TUSC3: variants seen among roughly 807,000 people sequenced by gnomAD.
TUSC3 encodes the protein tumor suppressor candidate 3, also known as dolichyl-diphosphooligosaccharide--protein glycosyltransferase subunit TUSC3.
Under a neutral mutation model 44.8 loss-of-function variants are expected in TUSC3, and 45 were observed. That is an observed-to-expected ratio of 1.00 (90% CI 0.79 to 1.29). The LOEUF (loss-of-function observed/expected upper bound fraction) is 1.29, where lower values mean the gene tolerates loss of function less well. Ranked by LOEUF, TUSC3 falls within the 50% of genes most tolerant of loss-of-function variation. The pLI is 0.00. For synonymous variants in TUSC3, 212 were observed against 152.9 expected, an observed-to-expected ratio of 1.39 and a Z score of -2.85; for missense variants, 519 against 437.9, an observed-to-expected ratio of 1.19 and a Z score of -1.65.
At chr8:15,789,062 G>T in the TUSC3 span, among the ~76,000 whole-genome samples, 1 of 152,296 alleles carries the variant, frequency 6.6e-6, no homozygotes, top group Non-Finnish European at 1.5e-5. Context: ...CCATTTCAAG[G>T]AAACAGAATC....
chr8:15,506,692 C>T (rs371660623), intron 2 of TUSC3, among the ~76,000 whole-genome samples: 6 of 152,230 alleles, frequency 3.9e-5, no homozygotes, highest in African/African-American at 1.2e-4. Flanking sequence ...TTCACTATCA[C>T]GAGAACAGCG....
the TUSC3 span, among the ~76,000 whole-genome samples, chr8:15,831,728 G>C: frequency 6.6e-6 from 1 of 152,046 alleles, no homozygotes; most frequent in African/African-American, 2.4e-5. Flanking sequence ...AAGACAGTCA[G>C]ACAAGAGAAT....
chr8:15,735,534 T>G (rs978706455), intron 7 of TUSC3, among the ~76,000 whole-genome samples: 5 of 152,186 alleles, frequency 3.3e-5, no homozygotes, highest in African/African-American at 1.2e-4. Context: ...AACTTAAAAC[T>G]TTTAACCCAT....
At chr8:15,558,858 T>G (rs1802357866) in intron 1 of TUSC3, among the ~76,000 whole-genome samples, 1 of 150,788 alleles carries the variant, frequency 6.6e-6, no homozygotes, top group East Asian at 2.0e-4. Flanking sequence ...TGATATCCCC[T>G]TTATCATTTT....
At chr8:15,820,707 C>G in the TUSC3 span, among the ~76,000 whole-genome samples, 3 of 152,128 alleles carry the variant, frequency 2.0e-5, no homozygotes, top group African/African-American at 4.8e-5. Flanking sequence ...TAATTGCACT[C>G]TTCCTATTTT....
chr8:15,507,952 T>C (rs1801081080), intron 2 of TUSC3, among the ~76,000 whole-genome samples: 1 of 152,088 alleles, frequency 6.6e-6, no homozygotes, highest in Non-Finnish European at 1.5e-5. Context: ...AGTCAAAACT[T>C]GCTCTGAGGC....
chr8:15,833,971 A>G, the TUSC3 span, among the ~76,000 whole-genome samples: 1 of 152,304 alleles, frequency 6.6e-6, no homozygotes, highest in Admixed American at 6.5e-5. Context: ...CATATTTATC[A>G]AAGTATATGT....
intron 1 of TUSC3, among the ~76,000 whole-genome samples, chr8:15,595,812 TA>T (rs1804044295): frequency 6.6e-6 from 1 of 152,180 alleles, no homozygotes; most frequent in Non-Finnish European, 1.5e-5. Context: ...TGTGTGGAAA[TA>T]AAAATAGACT....
chr8:15,763,810 G>A (rs539598012), intron 10 of TUSC3, among the ~76,000 whole-genome samples: 27 of 151,984 alleles, frequency 1.8e-4, no homozygotes, highest in African/African-American at 6.5e-4. Context: ...TAAATTATAC[G>A]GTTAGAGAAA....
intron 1 of TUSC3, among the ~76,000 whole-genome samples, chr8:15,421,631 G>A (rs1182874820): frequency 6.6e-6 from 1 of 152,094 alleles, no homozygotes; most frequent in South Asian, 2.1e-4. Flanking sequence ...CCAAACAGAA[G>A]GGAATTTTTG....
At chr8:15,734,207 A>T (rs1432238928) in intron 7 of TUSC3, among the ~76,000 whole-genome samples, 1 of 152,212 alleles carries the variant, frequency 6.6e-6, no homozygotes, top group African/African-American at 2.4e-5. Flanking sequence ...CTGTAGAGAG[A>T]ACATTTCTAT....
intron 1 of TUSC3, among the ~76,000 whole-genome samples, chr8:15,620,934 A>G (rs1805215021): frequency 6.6e-6 from 1 of 152,114 alleles, no homozygotes; most frequent in South Asian, 2.1e-4. Flanking sequence ...AATGAGAAAA[A>G]CAGTAAGATT....
At chr8:15,443,235 G>A (rs1341172471) in intron 1 of TUSC3, among the ~76,000 whole-genome samples, 1 of 151,762 alleles carries the variant, frequency 6.6e-6, no homozygotes, top group Non-Finnish European at 1.5e-5. Context: ...GTGCAGTGGT[G>A]TGATCACAGC....
the TUSC3 span, among the ~76,000 whole-genome samples, chr8:15,795,346 T>G: frequency 6.6e-6 from 1 of 152,300 alleles, no homozygotes; most frequent in East Asian, 1.9e-4. Context: ...CTGAAACTGA[T>G]TTTATTGTCT....
chr8:15,660,881 G>A (rs1263186206), intron 4 of TUSC3, among the ~76,000 whole-genome samples: 6 of 140,958 alleles, frequency 4.3e-5, no homozygotes, highest in African/African-American at 1.3e-4. Context: ...CAGACTTTAC[G>A]CATTTAGTCG....
At chr8:15,616,373 T>A (rs1051386819) in intron 1 of TUSC3, among the ~76,000 whole-genome samples, 6 of 152,006 alleles carry the variant, frequency 3.9e-5, no homozygotes, top group African/African-American at 1.4e-4. Flanking sequence ...AGGTCAGGAG[T>A]TGGAGACCAG....
At chr8:15,728,507 G>A (rs971500660) in intron 6 of TUSC3, among the ~76,000 whole-genome samples, 2 of 152,038 alleles carry the variant, frequency 1.3e-5, no homozygotes, top group Admixed American at 6.6e-5. Context: ...GCAAGGAAAA[G>A]AGTGAAAGAA....
intron 2 of TUSC3, among the ~76,000 whole-genome samples, chr8:15,493,493 C>A (rs1009884877): frequency 2.0e-5 from 3 of 152,050 alleles, no homozygotes; most frequent in Admixed American, 1.3e-4. Context: ...GAACTCCTGG[C>A]CTTAAGCGAT....
intron 1 of TUSC3, among the ~76,000 whole-genome samples, chr8:15,428,964 CT>C (rs1323459732): frequency 2.6e-5 from 4 of 152,236 alleles, no homozygotes; most frequent in Admixed American, 6.5e-5. Flanking sequence ...TGCAGAAGCT[CT>C]TTAGTTTAAT....
Sources: gnomAD v4.1 joint callset for allele counts (sites outside exome capture counted in the v4.1 genomes callset) on GRCh38, gnomAD v4.1.1 for gene constraint, MANE v1.5 for transcripts, NCBI Gene and HGNC (gene_info 2026-07-23, HGNC 2026-07-21) for gene names.